KIAA0319L: variants seen among roughly 807,000 people sequenced by gnomAD.
KIAA0319L encodes the protein KIAA0319 like.
A neutral mutation model predicts 120.1 loss-of-function variants in KIAA0319L; 55 were observed. The ratio of observed to expected loss-of-function variants is 0.46; its 90% confidence interval spans 0.37 to 0.57. The LOEUF (loss-of-function observed/expected upper bound fraction) is 0.57, where lower values mean the gene tolerates loss of function less well. Among genes scored for constraint, KIAA0319L ranks in the 20% least tolerant of loss-of-function variants. KIAA0319L has a pLI of 0.00. For synonymous variants in KIAA0319L, 398 were observed against 471.9 expected (o/e 0.84, Z 2.03); for missense variants, 1,049 against 1,255.3 (o/e 0.84, Z 2.48).
In KIAA0319L at chr1:35,454,427, T is replaced by A; in HGVS notation, c.1715A>T (p.Gln572Leu). Residue 572 changes from glutamine to leucine, a missense_variant, in exon 11 of 21, where the codon CAG (glutamine) becomes CTG (leucine). Coordinates refer to ENST00000325722, the MANE Select transcript of KIAA0319L (RefSeq NM_024874.5). ...TCCTATTGTGTCAGTCACTGTGAGC[T>A]GGTAAGTGTAGTCTCCTTCTTGCAT... ...SAMQEGDYTY[Q>L]LTVTDTIGQQ... is the part of the protein sequence containing the mutation. 6.2e-7 allele frequency: 1 copy of A among 1,614,200 alleles called. No individual in the cohort carries two copies.
intron 20 of KIAA0319L, 50 bp downstream of exon 20, chr1:35,440,996 TC>T (rs919898437): frequency 1.4e-5 from 20 of 1,407,696 alleles, no homozygotes; most frequent in African/African-American, 4.2e-5. Flanking sequence ...ACAGCAGCCT[TC>T]CACAGAGAGA....
intron 2 of KIAA0319L, chr1:35,510,248 C>A (rs1053829242): frequency 3.9e-5 from 6 of 152,120 alleles, no homozygotes; most frequent in Admixed American, 6.5e-5. Flanking sequence ...CTCACACAGG[C>A]GAGCAACTTT....
intron 19 of KIAA0319L, among the ~76,000 whole-genome samples, chr1:35,441,794 A>G (rs1299864182): frequency 6.6e-6 from 1 of 152,176 alleles, no homozygotes; most frequent in Non-Finnish European, 1.5e-5. Flanking sequence ...AAAACACAGG[A>G]CGCCTGAGCC....
At chr1:35,494,960 A>G (rs577078569) in intron 3 of KIAA0319L, among the ~76,000 whole-genome samples, 1 of 152,364 alleles carries the variant, frequency 6.6e-6, no homozygotes, top group Admixed American at 6.5e-5. Flanking sequence ...TCAGTGTAGA[A>G]AGGATGGAAA....
At chr1:35,505,333 A>G (rs1645168458) in intron 3 of KIAA0319L, among the ~76,000 whole-genome samples, 1 of 152,282 alleles carries the variant, frequency 6.6e-6, no homozygotes, top group East Asian at 1.9e-4. Flanking sequence ...GGCTCTGTCC[A>G]GAATGTTTTT....
chr1:35,452,018 G>C (rs907280491), intron 12 of KIAA0319L, among the ~76,000 whole-genome samples: 2 of 152,214 alleles, frequency 1.3e-5, no homozygotes, highest in Admixed American at 1.3e-4. Context: ...TCCTTTATAT[G>C]AGCTTCTAGA....
At chr1:35,551,539 G>T (rs968973490) in intron 2 of KIAA0319L, among the ~76,000 whole-genome samples, 1 of 152,002 alleles carries the variant, frequency 6.6e-6, no homozygotes, top group East Asian at 1.9e-4. Flanking sequence ...GGGTGGTCTT[G>T]AACTCCTAAC....
At chr1:35,505,214 G>A (rs938451120) in intron 3 of KIAA0319L, among the ~76,000 whole-genome samples, 2 of 152,022 alleles carry the variant, frequency 1.3e-5, no homozygotes, top group African/African-American at 4.8e-5. Flanking sequence ...CCTTGTTAAG[G>A]CAGAAATGAT....
At chr1:35,455,466 C>T (rs1340420912) in intron 10 of KIAA0319L, among the ~76,000 whole-genome samples, 1 of 152,064 alleles carries the variant, frequency 6.6e-6, no homozygotes, top group African/African-American at 2.4e-5. Context: ...TTATAGAGCT[C>T]ACTAAGATTT....
intron 7 of KIAA0319L, among the ~76,000 whole-genome samples, chr1:35,463,184 T>C (rs577582756): frequency 4.8e-4 from 73 of 152,332 alleles, no homozygotes; most frequent in Middle Eastern, 3.4e-3. Context: ...TAATTAATGA[T>C]TGAAGCATCA....
Position 35,441,035 on chromosome 1 carries a change from C to T in KIAA0319L, c.2962+12G>A, listed in dbSNP as rs767746210. On this transcript the variant is annotated intron_variant, in intron 20 of 20. Coordinates refer to ENST00000325722, the MANE Select transcript of KIAA0319L (RefSeq NM_024874.5). ...GCACAGACCTAGAAGCTCTGGCACC[C>T]AGGGCCCCTACCTGCTCGGGAGGTT... 2 of 1,612,014 alleles carry T rather than the reference C, an allele frequency of 1.2e-6. No individual in the cohort carries two copies. Among genetic ancestry groups the T allele is most frequent in the Non-Finnish European group, 1.7e-6 (2 of 1,178,022 alleles).
chr1:35,532,641 A>C (rs542224144), intron 2 of KIAA0319L, among the ~76,000 whole-genome samples: 2 of 152,358 alleles, frequency 1.3e-5, no homozygotes, highest in African/African-American at 4.8e-5. Context: ...ATAAAAGGTA[A>C]GATGAAAATA....
rs1166163178 is a variant in KIAA0319L, at chr1:35,484,800, ATATATATT to A, written c.667-5596_667-5589del. 8.2e-3 allele frequency among the ~76,000 whole-genome samples: 138 copies of A among 16,878 alleles called. 1 individual carries two copies. The highest frequency in any genetic ancestry group is 0.034 in the African/African-American group (124 of 3,660). 11.1% of individuals were successfully genotyped at this position (16,878 alleles called of 152,430 possible). A position where few individuals can be genotyped will look rare whatever the true frequency, so the allele number is the denominator to read the frequency against. ...TATATATATATATATATATATATAT[ATATATATT>A]TTTTTTTTTATTATACTCTAAGTTT... On this transcript the variant is annotated intron_variant, in intron 3 of 20. Transcript: ENST00000325722.
chr1:35,469,986 C>T (rs1280969491), intron 6 of KIAA0319L, among the ~76,000 whole-genome samples: 2 of 152,042 alleles, frequency 1.3e-5, no homozygotes, highest in East Asian at 2.0e-4. Flanking sequence ...CTCCCACCTC[C>T]GCCTCCTGAC....
intron 3 of KIAA0319L, among the ~76,000 whole-genome samples, chr1:35,492,427 T>A (rs1644631835): frequency 6.6e-6 from 1 of 151,944 alleles, no homozygotes; most frequent in Non-Finnish European, 1.5e-5. Context: ...GGCAGGAGAA[T>A]CGCTTGAACC....
At chr1:35,501,738 C>A (rs1019325393) in intron 3 of KIAA0319L, among the ~76,000 whole-genome samples, 2 of 151,940 alleles carry the variant, frequency 1.3e-5, no homozygotes, top group African/African-American at 4.8e-5. Context: ...ATTAGCTGGG[C>A]GTGATGGCTC....
At chr1:35,512,929 C>T (rs1645516923) in intron 2 of KIAA0319L, among the ~76,000 whole-genome samples, 1 of 146,950 alleles carries the variant, frequency 6.8e-6, no homozygotes, top group Non-Finnish European at 1.5e-5. Context: ...ATTCAATAAA[C>T]CAGGGGCTAT....
At chr1:35,468,810 A>C (rs937264437) in intron 6 of KIAA0319L, among the ~76,000 whole-genome samples, 3 of 152,186 alleles carry the variant, frequency 2.0e-5, no homozygotes, top group African/African-American at 7.2e-5. Flanking sequence ...ACAATTATTA[A>C]AGGCATGGCC....
chr1:35,467,496 G>A (rs973937767), intron 6 of KIAA0319L, among the ~76,000 whole-genome samples: 3 of 152,012 alleles, frequency 2.0e-5, no homozygotes, highest in African/African-American at 4.8e-5. Flanking sequence ...AACATTTACT[G>A]AAACCAAATC....
Sources: gnomAD v4.1 joint callset for allele counts (sites outside exome capture counted in the v4.1 genomes callset) on GRCh38, gnomAD v4.1.1 for gene constraint, MANE v1.5 for transcripts, NCBI Gene and HGNC (gene_info 2026-07-23, HGNC 2026-07-21) for gene names.